TNS1: variants seen among roughly 807,000 people sequenced by gnomAD.
TNS1 encodes tensin-1.
Under a neutral mutation model 168.6 loss-of-function variants are expected in TNS1, and 62 were observed. That is an observed-to-expected ratio of 0.37 (90% CI 0.30 to 0.45). The LOEUF (loss-of-function observed/expected upper bound fraction) is 0.45, where lower values mean the gene tolerates loss of function less well. Ranked by LOEUF, TNS1 falls within the 20% of genes least tolerant of loss-of-function variation. The pLI is 1.00. For synonymous variants in TNS1, 934 were observed against 933.2 expected (o/e 1.00, Z -0.02); for missense variants, 2,240 against 2,339.4 (o/e 0.96, Z 0.88).
At position 217,961,260 on chromosome 2, in the gene TNS1, C is replaced by CAG. The variant is rs139190494; in HGVS notation, c.186+17503_186+17504dup. Among the ~76,000 whole-genome samples, 902 of 140,010 alleles carry CAG rather than the reference C, an allele frequency of 6.4e-3. 6 individuals are homozygous for CAG. Among genetic ancestry groups the CAG allele is most frequent in the South Asian group, 0.014 (61 of 4,290 alleles). 91.9% of individuals were successfully genotyped at this position (140,010 alleles called of 152,430 possible). A position where few individuals can be genotyped will look rare whatever the true frequency, so the allele number is the denominator to read the frequency against. On this transcript the variant is annotated intron_variant, in intron 3 of 32. Coordinates refer to ENST00000682258, the MANE Select transcript of TNS1 (RefSeq NM_001387777.1). ...TCACACACACACACACACACACACA[C>CAG]AGAGAGAGAGAGAGAGAGAGGCTGA... is the stretch of plus-strand genomic sequence containing the variant.
chr2:218,007,831 T>A (rs1958673792), upstream of TNS1, among the ~76,000 whole-genome samples: 1 of 152,180 alleles, frequency 6.6e-6, no homozygotes, highest in East Asian at 1.9e-4. Flanking sequence ...AGAGGGTGCA[T>A]GAGTGGGAGC....
intron 1 of TNS1, among the ~76,000 whole-genome samples, chr2:218,029,964 T>C (rs1038201990): frequency 1.3e-5 from 2 of 152,146 alleles, no homozygotes; most frequent in Non-Finnish European, 1.5e-5. Context: ...GGGGTTATTT[T>C]CAACTTCCTC....
intron 1 of TNS1, among the ~76,000 whole-genome samples, chr2:218,015,523 C>A (rs1958749830): frequency 6.6e-6 from 1 of 152,166 alleles, no homozygotes; most frequent in South Asian, 2.1e-4. Flanking sequence ...CTTTCAAATT[C>A]CAGACCATTT....
At chr2:218,008,676 C>T (rs1339238697) in intron 1 of TNS1, among the ~76,000 whole-genome samples, 1 of 152,206 alleles carries the variant, frequency 6.6e-6, no homozygotes, top group African/African-American at 2.4e-5. Context: ...CACTGCGGAA[C>T]AGCAGAGAGG....
intron 28 of TNS1, among the ~76,000 whole-genome samples, chr2:217,811,117 C>G (rs1940816845): frequency 6.6e-6 from 1 of 152,108 alleles, no homozygotes; most frequent in African/African-American, 2.4e-5. Flanking sequence ...TCACTTCGAG[C>G]AATCCTTCCA....
chr2:217,825,831 C>T (rs1474912478), intron 22 of TNS1, among the ~76,000 whole-genome samples: 2 of 152,150 alleles, frequency 1.3e-5, no homozygotes, highest in East Asian at 3.9e-4. Flanking sequence ...GATAGCATGG[C>T]CAAGTTCTTA....
intron 10 of TNS1, 136 bp from the exon 11 acceptor site, chr2:217,893,148 AG>A: frequency 9.1e-7 from 1 of 1,099,932 alleles, no homozygotes. Context: ...ATAAGGAGGA[AG>A]GGGGCCTCAG....
At chr2:217,921,319 T>A (rs184627916) in intron 3 of TNS1, among the ~76,000 whole-genome samples, 1 of 152,172 alleles carries the variant, frequency 6.6e-6, no homozygotes, top group East Asian at 1.9e-4. Flanking sequence ...GCCATGGATG[T>A]CCAAAGAGGG....
chr2:217,808,472 C>A, intron 31 of TNS1, 131 bp downstream of exon 31: 1 of 930,236 alleles, frequency 1.1e-6, no homozygotes, highest in South Asian at 1.5e-5. Flanking sequence ...CACACATGGG[C>A]AGACCTTCCA....
chr2:217,910,119 C>T (rs1056460641), intron 4 of TNS1, among the ~76,000 whole-genome samples: 9 of 152,250 alleles, frequency 5.9e-5, no homozygotes, highest in East Asian at 5.8e-4. Flanking sequence ...ATGGTGCACA[C>T]AAGGGAGCTG....
chr2:217,912,673 G>A (rs567367989), intron 4 of TNS1, among the ~76,000 whole-genome samples: 1 of 152,260 alleles, frequency 6.6e-6, no homozygotes, highest in South Asian at 2.1e-4. Flanking sequence ...AAAAACAGAA[G>A]GGAAGGGCAG....
intron 1 of TNS1, 93 bp downstream of exon 1, chr2:218,002,747 C>T (rs990640679): frequency 2.2e-5 from 10 of 455,296 alleles, no homozygotes; most frequent in Non-Finnish European, 4.0e-5. Context: ...CCCCCGACCC[C>T]GGGCTCTCAG....
At position 217,812,444 on chromosome 2, in the gene TNS1, T is replaced by C. The variant is rs777502310; in HGVS notation, c.4956A>G (p.Gly1652=). Residue 1652 remains glycine, a splice_region_variant and synonymous_variant, in exon 28 of 33, where the codon GGA becomes GGG. Transcript: ENST00000682258. The part of the protein sequence containing the change: ...LKGCPNEPNF[G]SLSALVYQHS... ...GCTGGTAGACCAGGGCAGACAGCGA[T>C]CCTGTAGGGAGGCAGACGGCATGTC... The C allele has an allele frequency of 1.2e-6, 2 of 1,613,990 alleles. No individual in the cohort carries two copies. Among genetic ancestry groups the C allele is most frequent in the Non-Finnish European group, 1.7e-6 (2 of 1,179,986 alleles).
chr2:217,994,563 G>T (rs1187802685), intron 1 of TNS1, among the ~76,000 whole-genome samples: 2 of 152,136 alleles, frequency 1.3e-5, no homozygotes. Context: ...CCAAACCCTA[G>T]GGATATAGGC....
intron 18 of TNS1, among the ~76,000 whole-genome samples, chr2:217,862,687 C>T (rs1948894683): frequency 6.6e-6 from 1 of 151,234 alleles, no homozygotes; most frequent in African/African-American, 2.4e-5. Context: ...GAGTTTCCCA[C>T]TGTCACACAT....
chr2:218,006,280 G>A (rs1958656610), upstream of TNS1, among the ~76,000 whole-genome samples: 1 of 152,200 alleles, frequency 6.6e-6, no homozygotes, highest in African/African-American at 2.4e-5. Flanking sequence ...GCCTGAGCCT[G>A]GCAGGCCCCT....
chr2:217,897,098 T>C (rs1346432245), intron 8 of TNS1, among the ~76,000 whole-genome samples: 2 of 152,150 alleles, frequency 1.3e-5, no homozygotes, highest in South Asian at 2.1e-4. Context: ...TCAAACACCC[T>C]GGGGACAGCC....
intron 29 of TNS1, 62 bp downstream of exon 29, chr2:217,810,186 G>A: frequency 6.3e-7 from 1 of 1,582,212 alleles, no homozygotes; most frequent in Non-Finnish European, 8.7e-7. Context: ...TGCAGGAGGG[G>A]TCAGGGCAGG....
chr2:217,882,371 A>T lies in TNS1; in HGVS notation c.1287T>A (p.Phe429Leu). 1 of 1,606,456 alleles carries T rather than the reference A, an allele frequency of 6.2e-7. No individual in the cohort carries two copies. ...FPEYGKVEFV[F>L]SYGPEKIQGM... ...CTTGAATTTTCTCTGGCCCATAAGAAAATACAAACTCCACTTTGCCATACT... is the reference window on the plus strand; with the variant it reads ...CTTGAATTTTCTCTGGCCCATAAGATAATACAAACTCCACTTTGCCATACT... Residue 429 changes from phenylalanine to leucine, a missense_variant, in exon 17 of 33, where the codon TTT becomes TTA. Coordinates refer to ENST00000682258, the MANE Select transcript of TNS1 (RefSeq NM_001387777.1).
Sources: gnomAD v4.1 joint callset for allele counts (sites outside exome capture counted in the v4.1 genomes callset) on GRCh38, gnomAD v4.1.1 for gene constraint, MANE v1.5 for transcripts, NCBI Gene and HGNC (gene_info 2026-07-23, HGNC 2026-07-21) for gene names.